The following JMJD1C variants were observed in gnomAD, a reference collection of about 807,000 sequenced individuals.
The protein encoded by JMJD1C is jumonji domain containing 1C.
A neutral mutation model predicts 245.3 loss-of-function variants in JMJD1C; 31 were observed. The observed-to-expected ratio is 0.13, with a 90% confidence interval of 0.09 to 0.17. The LOEUF (loss-of-function observed/expected upper bound fraction) is 0.17. JMJD1C is among the 10% of genes least tolerant of loss of function. The probability of loss-of-function intolerance (pLI) is 1.00; values close to 1 mark genes in which losing one functional copy is unlikely to be tolerated. For missense variants in JMJD1C, 2,691 were observed against 3,000.2 expected, an observed-to-expected ratio of 0.90 and a Z score of 2.41; for synonymous variants, 1,057 against 1,017.4, an observed-to-expected ratio of 1.04 and a Z score of -0.74.
In JMJD1C at chr10:63,440,371, G is replaced by A. The variant is rs540040328; in HGVS notation, c.168+25124C>T. Among the ~76,000 whole-genome samples, 353 of 131,270 alleles carry A rather than the reference G, an allele frequency of 2.7e-3. 1 individual carries two copies. Among genetic ancestry groups the A allele is most frequent in the Non-Finnish European group, 4.1e-3 (238 of 58,252 alleles). The allele number at this position is 131,270 out of a possible 152,430, so 86.1% of individuals were successfully genotyped here. A position where few individuals can be genotyped will look rare whatever the true frequency, so the allele number is the denominator to read the frequency against. ...AAAAAAAAATATATATATATAGAGA[G>A]AGAGAGAGAGAGAGAGAGCGCAAGC... On this transcript the variant is annotated intron_variant, in intron 1 of 25. Coordinates refer to ENST00000399262, the MANE Select transcript of JMJD1C (RefSeq NM_032776.3).
intron 1 of JMJD1C, among the ~76,000 whole-genome samples, chr10:63,428,116 ATT>A (rs906845479): frequency 6.6e-6 from 1 of 152,166 alleles, no homozygotes; most frequent in Non-Finnish European, 1.5e-5. Flanking sequence ...AACATCATAG[ATT>A]TTATGAAGGA....
At chr10:63,293,074 T>C (rs751923371) in intron 2 of JMJD1C, among the ~76,000 whole-genome samples, 6 of 151,984 alleles carry the variant, frequency 3.9e-5, no homozygotes, top group South Asian at 2.1e-4. Flanking sequence ...AAACAAACCA[T>C]TGCCTACAAC....
intron 1 of JMJD1C, among the ~76,000 whole-genome samples, chr10:63,385,463 G>A (rs1947525265): frequency 2.3e-5 from 3 of 128,378 alleles, no homozygotes; most frequent in Admixed American, 9.7e-5. Flanking sequence ...TAAGAGATAG[G>A]GTCTTGCTCT....
intron 2 of JMJD1C, among the ~76,000 whole-genome samples, chr10:63,317,422 T>C (rs899797029): frequency 6.6e-6 from 1 of 152,066 alleles, no homozygotes; most frequent in Non-Finnish European, 1.5e-5. Flanking sequence ...GGAGAATCAC[T>C]TGACTTATTA....
intron 1 of JMJD1C, among the ~76,000 whole-genome samples, chr10:63,408,295 C>A (rs768623286): frequency 6.6e-6 from 1 of 151,820 alleles, no homozygotes; most frequent in African/African-American, 2.4e-5. Flanking sequence ...CCCAGTTATT[C>A]GGAAGGCTGA....
chr10:63,456,745 T>C (rs1350541708), intron 1 of JMJD1C, among the ~76,000 whole-genome samples: 1 of 152,092 alleles, frequency 6.6e-6, no homozygotes, highest in Non-Finnish European at 1.5e-5. Flanking sequence ...AATACATAAT[T>C]TTCATAAGCA....
rs549263209 is a variant in JMJD1C, at chr10:63,507,606, C to T, written n.113+14132G>A. Among the ~76,000 whole-genome samples, 458 of 130,030 alleles carry T rather than the reference C, an allele frequency of 3.5e-3. 1 individual carries two copies. The highest frequency in any genetic ancestry group is 9.7e-3 in the Middle Eastern group (2 of 206). The allele number at this position is 130,030 out of a possible 152,430, so 85.3% of individuals were successfully genotyped here. On this transcript the variant is annotated intron_variant and non_coding_transcript_variant, in intron 1 of 3. Transcript: ENST00000633035. ...GTTGTAGTGAGCTGAGATTGCACCA[C>T]TGCACTCCTGCCTGGGCAACAGAGT...
chr10:63,196,239 G>A (rs1384780221), intron 13 of JMJD1C, among the ~76,000 whole-genome samples: 2 of 151,336 alleles, frequency 1.3e-5, no homozygotes, highest in South Asian at 2.1e-4. Context: ...GTGAAACTCC[G>A]TCTCAACAAC....
chr10:63,379,742 G>C (rs1270736613), intron 2 of JMJD1C, among the ~76,000 whole-genome samples: 2 of 152,118 alleles, frequency 1.3e-5, no homozygotes, highest in Admixed American at 1.3e-4. Context: ...ATTTTAATTT[G>C]ATAGAATAAA....
At chr10:63,218,300 C>G (rs904519589) in intron 4 of JMJD1C, among the ~76,000 whole-genome samples, 4 of 151,926 alleles carry the variant, frequency 2.6e-5, no homozygotes, top group African/African-American at 9.7e-5. Context: ...CAATCCTTTG[C>G]CAGCTTTAAA....
intron 1 of JMJD1C, among the ~76,000 whole-genome samples, chr10:63,501,492 T>C (rs905261232): frequency 6.6e-6 from 1 of 152,206 alleles, no homozygotes; most frequent in African/African-American, 2.4e-5. Context: ...GTAAGAATAA[T>C]ACCGGCTAGA....
At chr10:63,460,701 T>C (rs1408433904) in intron 1 of JMJD1C, among the ~76,000 whole-genome samples, 1 of 152,206 alleles carries the variant, frequency 6.6e-6, no homozygotes, top group Non-Finnish European at 1.5e-5. Context: ...ATTTCTTGTA[T>C]ATAATTTGAA....
At chr10:63,379,934 C>T (rs1947073365) in intron 2 of JMJD1C, among the ~76,000 whole-genome samples, 1 of 151,574 alleles carries the variant, frequency 6.6e-6, no homozygotes, top group South Asian at 2.1e-4. Flanking sequence ...CTTAAATTTT[C>T]ATTTATTCTT....
rs549367197 is a variant in JMJD1C at position 63,187,120 on chromosome 10, ATTTT to A, written c.6571-741_6571-738del. On this transcript the variant is annotated intron_variant, in intron 18 of 25. Transcript: ENST00000399262. ...CCACAAAAGAATAATCTCTAGCTAGATTTTTTTTTTAATTACAAAAGACATCTTT... is the reference window on the plus strand; with the variant it reads ...CCACAAAAGAATAATCTCTAGCTAGATTTTTTAATTACAAAAGACATCTTT... Among the ~76,000 whole-genome samples the A allele has an allele frequency of 5.8e-4, 87 of 150,848 alleles. 1 individual carries two copies. The highest frequency in any genetic ancestry group is 3.4e-3 in the Middle Eastern group (1 of 294).
intron 2 of JMJD1C, among the ~76,000 whole-genome samples, chr10:63,377,691 C>T (rs1201034499): frequency 6.6e-6 from 1 of 151,890 alleles, no homozygotes; most frequent in Non-Finnish European, 1.5e-5. Context: ...GACGAGATTG[C>T]ACCACTGCAC....
intron 2 of JMJD1C, among the ~76,000 whole-genome samples, chr10:63,280,275 C>T (rs758962553): frequency 2.6e-5 from 4 of 152,082 alleles, no homozygotes; most frequent in South Asian, 4.1e-4. Flanking sequence ...GTAGGCCACA[C>T]GCGGTTGCTC....
At chr10:63,177,939 C>A in intron 22 of JMJD1C, 83 bp from the exon 23 acceptor site, 1 of 1,416,862 alleles carries the variant, frequency 7.1e-7, no homozygotes, top group Non-Finnish European at 9.6e-7. Context: ...ATCAGAGCAG[C>A]AGAGTGCCTG....
In JMJD1C at chr10:63,206,810, C is replaced by T. The variant is rs751274326; in HGVS notation, c.4859G>A (p.Arg1620Lys). 1 of 1,601,886 alleles carries T rather than the reference C, an allele frequency of 6.2e-7. No homozygotes were observed. Among genetic ancestry groups the T allele is most frequent in the Non-Finnish European group, 8.5e-7 (1 of 1,176,618 alleles). ...DDKVNRRKAK[R>K]TYESGSESGD... Reference sequence around the variant, plus strand: ...ACTTTCAGAGCCAGATTCATAAGTTCTTTTGGCTTTTCTCCTGTTGACTTT... The same window carrying T: ...ACTTTCAGAGCCAGATTCATAAGTTTTTTTGGCTTTTCTCCTGTTGACTTT... The change falls in exon 10 of 26, where the codon AGA (arginine) becomes AAA (lysine). Residue 1620 changes from arginine (R) to lysine (K), a missense_variant. Around this residue, in one of 9 missense-constraint regions of JMJD1C, gnomAD observed 144 missense variants for 143.3 expected, o/e 1.00. Coordinates refer to ENST00000399262, the MANE Select transcript of JMJD1C (RefSeq NM_032776.3).
intron 1 of JMJD1C, among the ~76,000 whole-genome samples, chr10:63,422,578 T>C (rs1053681003): frequency 6.6e-6 from 1 of 152,216 alleles, no homozygotes; most frequent in Non-Finnish European, 1.5e-5. Flanking sequence ...TCTAATCATA[T>C]ATATTCAAAG....
Sources: allele counts gnomAD v4.1 joint callset (sites outside exome capture counted in the v4.1 genomes callset), GRCh38; gene constraint gnomAD v4.1.1; regional missense constraint gnomAD v4.1.1; transcripts MANE v1.5; gene names NCBI Gene and HGNC (gene_info 2026-07-23, HGNC 2026-07-21).